The following CSMD1 variants were observed in gnomAD, a reference collection of about 807,000 sequenced individuals.
The protein encoded by CSMD1 is CUB and sushi domain-containing protein 1.
CSMD1 carries 213 observed loss-of-function variants against 417.5 expected under a neutral mutation model. That is an observed-to-expected ratio of 0.51 (90% confidence interval 0.46 to 0.57). CSMD1 has a LOEUF of 0.57. Among genes scored for constraint, CSMD1 ranks in the 20% least tolerant of loss-of-function variants. CSMD1 has a pLI of 0.00. For missense variants in CSMD1, 6,923 were observed against 4,529.7 expected (o/e 1.53, Z -15.17); for synonymous variants, 2,862 against 1,736.8 (o/e 1.65, Z -16.11).
chr8:4,157,774 G>A (rs557652458), intron 3 of CSMD1, among the ~76,000 whole-genome samples: 4 of 152,270 alleles, frequency 2.6e-5, no homozygotes, highest in South Asian at 2.1e-4. Flanking sequence ...CTGGTCCAGC[G>A]TTCACAGCTG....
At chr8:3,648,072 G>C (rs1356895314) in intron 7 of CSMD1, among the ~76,000 whole-genome samples, 1 of 152,206 alleles carries the variant, frequency 6.6e-6, no homozygotes, top group Non-Finnish European at 1.5e-5. Flanking sequence ...GAGGACAGAT[G>C]GATGGATGTG....
chr8:4,493,177 C>G (rs913737659), intron 2 of CSMD1, among the ~76,000 whole-genome samples: 2 of 151,968 alleles, frequency 1.3e-5, no homozygotes, highest in African/African-American at 4.8e-5. Flanking sequence ...TATTCTTCAC[C>G]TTAAGACAGT....
At chr8:3,931,389 T>A (rs1463292073) in intron 5 of CSMD1, among the ~76,000 whole-genome samples, 1 of 150,718 alleles carries the variant, frequency 6.6e-6, no homozygotes, top group Non-Finnish European at 1.5e-5. Context: ...GAATGTCACA[T>A]TCATTCTTTT....
chr8:3,836,234 A>C (rs980452923), intron 5 of CSMD1, among the ~76,000 whole-genome samples: 1 of 151,958 alleles, frequency 6.6e-6, no homozygotes, highest in South Asian at 2.1e-4. Context: ...AAATATCTTT[A>C]ATATTTGGTT....
intron 6 of CSMD1, among the ~76,000 whole-genome samples, chr8:3,716,982 T>TA (rs1180318717): frequency 2.6e-5 from 4 of 152,010 alleles, no homozygotes; most frequent in Admixed American, 6.6e-5. Context: ...TACAAAAAAA[T>TA]AAAAAATTGA....
chr8:4,661,775 C>T (rs541774740), intron 1 of CSMD1, among the ~76,000 whole-genome samples: 204 of 152,170 alleles, frequency 1.3e-3, no homozygotes, highest in Middle Eastern at 0.01. Context: ...ACCATTAAAT[C>T]GTAATAATCC....
intron 7 of CSMD1, among the ~76,000 whole-genome samples, chr8:3,676,707 C>T (rs762690509): frequency 1.5e-4 from 23 of 152,104 alleles, no homozygotes; most frequent in Admixed American, 5.9e-4. Flanking sequence ...CCATTTCTAT[C>T]AAACTCAGTG....
At chr8:4,394,434 G>A (rs1403755046) in intron 3 of CSMD1, among the ~76,000 whole-genome samples, 4 of 152,110 alleles carry the variant, frequency 2.6e-5, no homozygotes, top group Non-Finnish European at 4.4e-5. Flanking sequence ...TTCAATATGC[G>A]ATTTTTAGTA....
intron 26 of CSMD1, among the ~76,000 whole-genome samples, chr8:3,262,072 T>G (rs1002833764): frequency 4.0e-5 from 6 of 151,542 alleles, no homozygotes; most frequent in African/African-American, 1.5e-4. Context: ...TACCCCAAAG[T>G]AAAACAAGTT....
rs759009247 is a variant in CSMD1 at position 4,373,227 on chromosome 8, C to G, written c.415+46726G>C. Among the ~76,000 whole-genome samples the G allele has an allele frequency of 1.2e-4, 18 of 152,174 alleles. 1 individual carries two copies. Among genetic ancestry groups the G allele is most frequent in the Non-Finnish European group, 2.2e-4 (15 of 68,030 alleles). The stretch of plus-strand genomic sequence containing the variant: ...TCACAAACAAGAGGAGTCTGAGAAA[C>G]TACCCCAGCCAAGAGGAGCCTACGA... On this transcript the variant is annotated intron_variant, in intron 3 of 69. Coordinates refer to ENST00000635120, the MANE Select transcript of CSMD1 (RefSeq NM_033225.6).
chr8:3,645,927 G>A (rs955426620), intron 7 of CSMD1, among the ~76,000 whole-genome samples: 1 of 151,732 alleles, frequency 6.6e-6, no homozygotes, highest in Non-Finnish European at 1.5e-5. Context: ...TTTAACTCTT[G>A]AATATTCTAT....
chr8:4,723,753 A>C (rs1269932234), intron 1 of CSMD1, among the ~76,000 whole-genome samples: 2 of 150,614 alleles, frequency 1.3e-5, no homozygotes, highest in Non-Finnish European at 2.9e-5. Context: ...GTGCTGTAAG[A>C]ATCTAAAATG....
At chr8:3,671,258 GTA>G (rs200175125) in intron 7 of CSMD1, among the ~76,000 whole-genome samples, 12 of 105,498 alleles carry the variant, frequency 1.1e-4, no homozygotes, top group South Asian at 3.4e-4. Flanking sequence ...ATATATATAT[GTA>G]TATATATATA....
intron 26 of CSMD1, among the ~76,000 whole-genome samples, chr8:3,270,125 CT>C (rs11289292): frequency 0.27 from 40,567 of 150,046 alleles, 5,726 homozygotes; most frequent in African/African-American, 0.34. Context: ...TCTTGGCCCA[CT>C]GCAACCTCTG....
chr8:4,870,856 G>C (rs909185948), intron 1 of CSMD1, among the ~76,000 whole-genome samples: 2 of 152,140 alleles, frequency 1.3e-5, no homozygotes. Context: ...ATGAATCCAA[G>C]TTTGTCCCAC....
chr8:4,121,099 T>C (rs1433456843), intron 3 of CSMD1, among the ~76,000 whole-genome samples: 3 of 151,550 alleles, frequency 2.0e-5, no homozygotes, highest in African/African-American at 7.3e-5. Flanking sequence ...ATTTTATTTT[T>C]TATTTATTTT....
intron 26 of CSMD1, among the ~76,000 whole-genome samples, chr8:3,271,408 T>C (rs568085223): frequency 1.3e-5 from 2 of 152,080 alleles, no homozygotes; most frequent in African/African-American, 2.4e-5. Flanking sequence ...TGTGTCTTTA[T>C]AGCAGCATGA....
chr8:4,486,142 C>CATAT (rs34170550), intron 2 of CSMD1, among the ~76,000 whole-genome samples: 7 of 33,494 alleles, frequency 2.1e-4, no homozygotes, highest in African/African-American at 8.0e-4. Context: ...TATATACATA[C>CATAT]ATATATATAT....
chr8:4,731,017 G>T (rs139130973), intron 1 of CSMD1, among the ~76,000 whole-genome samples: 41 of 152,242 alleles, frequency 2.7e-4, no homozygotes, highest in African/African-American at 9.4e-4. Context: ...TAAAGTTCTA[G>T]GCCCAAGACG....
Sources: allele counts gnomAD v4.1 joint callset (sites outside exome capture counted in the v4.1 genomes callset), GRCh38; gene constraint gnomAD v4.1.1; transcripts MANE v1.5; gene names NCBI Gene and HGNC (gene_info 2026-07-23, HGNC 2026-07-21).